The following SLC7A6 variants were observed in gnomAD, a reference collection of about 807,000 sequenced individuals.
The protein encoded by SLC7A6 is Y+L amino acid transporter 2.
SLC7A6 carries 29 observed loss-of-function variants against 46.6 expected under a neutral mutation model. The ratio of observed to expected loss-of-function variants is 0.62; its 90% confidence interval spans 0.46 to 0.85. SLC7A6 has a LOEUF of 0.85. SLC7A6 is among the 40% of genes least tolerant of loss of function. The pLI, the probability that SLC7A6 is intolerant of heterozygous loss-of-function variation, is 0.00. For missense variants in SLC7A6, 527 were observed against 647.6 expected, an observed-to-expected ratio of 0.81 and a Z score of 2.02; for synonymous variants, 276 against 257.3, an observed-to-expected ratio of 1.07 and a Z score of -0.70.
chr16:68,286,040 G>A (rs1408923160), intron 3 of SLC7A6, among the ~76,000 whole-genome samples: 3 of 142,228 alleles, frequency 2.1e-5, no homozygotes, highest in Middle Eastern at 3.8e-3. Context: ...AGGCTGCAGT[G>A]AGCTGTGATC....
intron 3 of SLC7A6, chr16:68,287,276 C>A (rs1279801558): frequency 7.9e-7 from 1 of 1,265,320 alleles, no homozygotes; most frequent in Admixed American, 2.4e-5. Context: ...CTGCACCTGG[C>A]CTCATTTTTA....
Position 68,300,838 on chromosome 16 carries a change from C to A in SLC7A6, c.*3510C>A, listed in dbSNP as rs1316564093. ...TGCTACAAGGGACCCACTGGTACCC[C>A]TTTTAGATTCTATCAAAAGGAACAG... On this transcript the variant is annotated 3_prime_UTR_variant, in exon 11 of 11. Transcript: ENST00000219343. The A allele has an allele frequency of 1.0e-6, 1 of 987,016 alleles. No homozygotes were observed. Among genetic ancestry groups the A allele is most frequent in the Non-Finnish European group, 1.2e-6 (1 of 831,180 alleles). 61.1% of individuals were successfully genotyped at this position (987,016 alleles called of 1,614,324 possible).
chr16:68,291,854 T>C, intron 7 of SLC7A6, 193 bp downstream of exon 7: 2 of 568,324 alleles, frequency 3.5e-6, no homozygotes, highest in East Asian at 2.9e-5. Flanking sequence ...TGTATGCTGG[T>C]AGCTCATGTT....
chr16:68,270,094 C>T (rs1485275232), intron 2 of SLC7A6, among the ~76,000 whole-genome samples: 5 of 152,152 alleles, frequency 3.3e-5, no homozygotes, highest in Non-Finnish European at 5.9e-5. Flanking sequence ...TTTCTCTGTG[C>T]ACCTATGCCT....
intron 3 of SLC7A6, among the ~76,000 whole-genome samples, chr16:68,287,102 T>C (rs914198562): frequency 6.6e-6 from 1 of 151,400 alleles, no homozygotes; most frequent in Admixed American, 6.6e-5. Flanking sequence ...CTCAGCCTCC[T>C]GAGTAGCTGG....
chr16:68,275,317 C>T lies in SLC7A6; in HGVS notation c.523+68C>T, dbSNP rs534625038. 647 of 1,548,252 alleles carry T rather than the reference C, an allele frequency of 4.2e-4. 2 individuals carry two copies. The highest frequency in any genetic ancestry group is 5.1e-4 in the Non-Finnish European group (586 of 1,144,642). On this transcript the variant is annotated intron_variant, in intron 3 of 10. Transcript: ENST00000219343. ...GTACTATAATAACGGTACTTTAGGCCGGGCGCGGTGGCTCATGCCTATAAT... is the reference window on the plus strand; with the variant it reads ...GTACTATAATAACGGTACTTTAGGCTGGGCGCGGTGGCTCATGCCTATAAT...
At position 68,301,220 on chromosome 16, in the gene SLC7A6, T is replaced by G. The variant is rs1191101764; in HGVS notation, c.*3892T>G. 5.0e-5 allele frequency: 80 copies of G among 1,585,142 alleles called. No individual in the cohort carries two copies. Among genetic ancestry groups the G allele is most frequent in the Non-Finnish European group, 6.5e-5 (76 of 1,162,342 alleles). ...AGGATGTCAGCAGGGCAGTTAACTC[T>G]GGACTCAGAGCCCTCAAGGGCATGT... On this transcript the variant is annotated 3_prime_UTR_variant, in exon 11 of 11. Transcript: ENST00000219343.
chr16:68,267,522 A>G (rs1381467994), intron 2 of SLC7A6, among the ~76,000 whole-genome samples: 2 of 152,134 alleles, frequency 1.3e-5, no homozygotes, highest in East Asian at 1.9e-4. Flanking sequence ...GCCATAACTC[A>G]GAGAGTTTTA....
chr16:68,300,935 C>T lies in SLC7A6; in HGVS notation c.*3607C>T. Reference sequence around the variant, plus strand: ...TTACTGCTAATGAAATGGGAACCTCCCCCTCCCTTGTGGTTTCAGCACAGA... The same window carrying T: ...TTACTGCTAATGAAATGGGAACCTCTCCCTCCCTTGTGGTTTCAGCACAGA... On this transcript the variant is annotated 3_prime_UTR_variant, in exon 11 of 11. Transcript: ENST00000219343. 2.0e-6 allele frequency: 2 copies of T among 1,006,666 alleles called. No homozygotes were observed. Among genetic ancestry groups the T allele is most frequent in the Non-Finnish European group, 2.4e-6 (2 of 844,054 alleles). The allele number at this position is 1,006,666 out of a possible 1,614,324, so 62.4% of individuals were successfully genotyped here.
chr16:68,282,196 C>A (rs2042841352), intron 3 of SLC7A6, among the ~76,000 whole-genome samples: 1 of 152,106 alleles, frequency 6.6e-6, no homozygotes, highest in South Asian at 2.1e-4. Flanking sequence ...GGGTCTTGAT[C>A]ATAGTTGTTT....
chr16:68,278,686 A>G (rs2042765639), intron 3 of SLC7A6, among the ~76,000 whole-genome samples: 1 of 152,186 alleles, frequency 6.6e-6, no homozygotes, highest in African/African-American at 2.4e-5. Context: ...GTACAGAACA[A>G]AATGGAGTCT....
rs1041749849 is a variant in SLC7A6 at position 68,300,185 on chromosome 16, T to A, written c.*2857T>A. The A allele has an allele frequency of 1.3e-5, 2 of 152,152 alleles. No individual in the cohort carries two copies. Among genetic ancestry groups the A allele is most frequent in the African/African-American group, 4.8e-5 (2 of 41,430 alleles). The allele number at this position is 152,152 out of a possible 1,614,324, so 9.4% of individuals were successfully genotyped here. On this transcript the variant is annotated 3_prime_UTR_variant, in exon 11 of 11. Transcript: ENST00000219343. The stretch of plus-strand genomic sequence containing the variant: ...CTAATTACATTAAAATGAAATAAAA[T>A]TAAAAGCTCAGTTTCTCAGTTGCGC...
At chr16:68,270,652 T>G (rs941210499) in intron 2 of SLC7A6, among the ~76,000 whole-genome samples, 1 of 152,212 alleles carries the variant, frequency 6.6e-6, no homozygotes, top group Non-Finnish European at 1.5e-5. Context: ...TGGTCTCATC[T>G]TTCTCCCACT....
chr16:68,275,294 A>G lies in SLC7A6; in HGVS notation c.523+45A>G, dbSNP rs748221661. The G allele has an allele frequency of 3.2e-6, 5 of 1,560,130 alleles. No homozygotes were observed. In the Middle Eastern group the frequency reaches 6.9e-4, roughly 214 times the overall value. ...GGGAGGATGTTGGGGGGTGGGGGGTACTATAATAACGGTACTTTAGGCCGG... is the reference window on the plus strand; with the variant it reads ...GGGAGGATGTTGGGGGGTGGGGGGTGCTATAATAACGGTACTTTAGGCCGG... On this transcript the variant is annotated intron_variant, in intron 3 of 10. Coordinates refer to ENST00000219343, the MANE Select transcript of SLC7A6 (RefSeq NM_003983.6).
chr16:68,270,349 T>C (rs2042605489), intron 2 of SLC7A6, among the ~76,000 whole-genome samples: 1 of 152,024 alleles, frequency 6.6e-6, no homozygotes, highest in Non-Finnish European at 1.5e-5. Context: ...GTTTTTTTTT[T>C]CTTTTATCCT....
intron 8 of SLC7A6, among the ~76,000 whole-genome samples, chr16:68,295,333 TTGA>T (rs2043141233): frequency 6.6e-6 from 1 of 152,246 alleles, no homozygotes; most frequent in African/African-American, 2.4e-5. Context: ...TTTATTTGTC[TTGA>T]TGAACTTTTC....
Position 68,301,464 on chromosome 16 carries a change from C to CTA in SLC7A6, c.*4136_*4137insTA. ...TGATTTTCCTAGGCTACTGCAGGAGCCCCTTCTCTTCTCAGAAAGGTCTGT... is the reference window on the plus strand; with the variant it reads ...TGATTTTCCTAGGCTACTGCAGGAGCTACCCTTCTCTTCTCAGAAAGGTCTGT... On this transcript the variant is annotated 3_prime_UTR_variant, in exon 11 of 11. Transcript: ENST00000219343. The CTA allele has an allele frequency of 6.7e-7, 1 of 1,496,366 alleles. No individual in the cohort carries two copies. The highest frequency in any genetic ancestry group is 1.2e-5 in the South Asian group (1 of 83,682). 92.7% of individuals were successfully genotyped at this position (1,496,366 alleles called of 1,614,324 possible).
intron 7 of SLC7A6, among the ~76,000 whole-genome samples, chr16:68,293,658 G>C (rs1466418168): frequency 2.0e-5 from 3 of 152,128 alleles, no homozygotes; most frequent in Non-Finnish European, 4.4e-5. Context: ...CACACAGCTT[G>C]TCCTGGGGCT....
At chr16:68,295,896 T>C (rs187675947) in intron 8 of SLC7A6, among the ~76,000 whole-genome samples, 4 of 152,340 alleles carry the variant, frequency 2.6e-5, no homozygotes, top group Non-Finnish European at 5.9e-5. Flanking sequence ...GATTCCATTA[T>C]TTATTGACAT....
Sources: allele counts gnomAD v4.1 joint callset (sites outside exome capture counted in the v4.1 genomes callset), GRCh38; gene constraint gnomAD v4.1.1; transcripts MANE v1.5; gene names NCBI Gene and HGNC (gene_info 2026-07-23, HGNC 2026-07-21).